CKAP4: variants seen among roughly 807,000 people sequenced by gnomAD.
CKAP4 encodes cytoskeleton associated protein 4.
A neutral mutation model predicts 24.4 loss-of-function variants in CKAP4; 20 were observed. That is an observed-to-expected ratio of 0.82 (90% CI 0.58 to 1.19). The LOEUF (loss-of-function observed/expected upper bound fraction) is 1.19. CKAP4 is among the 50% of genes most tolerant of loss of function. The pLI is 0.00. For synonymous variants in CKAP4, 378 were observed against 351.7 expected, an observed-to-expected ratio of 1.07 and a Z score of -0.84; for missense variants, 744 against 765.3, an observed-to-expected ratio of 0.97 and a Z score of 0.33.
chr12:106,246,481 G>A (rs2034010748), intron 1 of CKAP4, among the ~76,000 whole-genome samples: 1 of 152,152 alleles, frequency 6.6e-6, no homozygotes, highest in Admixed American at 6.5e-5. Flanking sequence ...AGTGGCTCAC[G>A]CCTGTAATCC....
chr12:106,241,741 C>T (rs1187896966), intron 1 of CKAP4, among the ~76,000 whole-genome samples: 2 of 152,092 alleles, frequency 1.3e-5, no homozygotes, highest in Admixed American at 1.3e-4. Context: ...AGCCCTGGAC[C>T]CACTTCTGCC....
intron 1 of CKAP4, among the ~76,000 whole-genome samples, chr12:106,244,925 G>A (rs182165158): frequency 6.6e-6 from 1 of 152,308 alleles, no homozygotes; most frequent in East Asian, 1.9e-4. Flanking sequence ...AAAGAAGAAA[G>A]TGATCTATAT....
At position 106,247,203 on chromosome 12, in the gene CKAP4, G is replaced by A. The variant is rs1148422; in HGVS notation, c.483+166C>T. Among the ~76,000 whole-genome samples the A allele has an allele frequency of 0.66, 100,521 of 151,992 alleles. 34,117 individuals are homozygous for A. The highest frequency in any genetic ancestry group is 0.82 in the African/African-American group (34,109 of 41,514). On this transcript the variant is annotated intron_variant, in intron 1 of 1. Coordinates refer to ENST00000378026, the MANE Select transcript of CKAP4 (RefSeq NM_006825.4). The surrounding 1 kb of genome is among the most constrained non-coding windows in gnomAD (Gnocchi z 4.5). ...GACTGCCTCGGAACTAGGGGGCCGC[G>A]TGGAGTGGGATGTCTAGGCCAGGGC...
chr12:106,239,947 T>A lies in CKAP4; in HGVS notation c.886A>T (p.Ile296Leu). The change falls in exon 2 of 2, where the codon ATA (isoleucine) becomes TTA (leucine). Residue 296 changes from isoleucine (I) to leucine (L), a missense_variant. Coordinates refer to ENST00000378026, the MANE Select transcript of CKAP4 (RefSeq NM_006825.4). The surrounding 1 kb of genome is among the most constrained non-coding windows in gnomAD (Gnocchi z 4.9). ...TCTCTGGACTTGGCTGAGGTCTGTATCTCCTTCACAGCTTCCTTTAAGGCT... is the reference window on the plus strand; with the variant it reads ...TCTCTGGACTTGGCTGAGGTCTGTAACTCCTTCACAGCTTCCTTTAAGGCT... Reference protein sequence around the residue: ...LKALKEAVKEIQTSAKSREWD... With the variant: ...LKALKEAVKELQTSAKSREWD... The A allele has an allele frequency of 6.2e-7, 1 of 1,614,146 alleles. No homozygotes were observed. Among genetic ancestry groups the A allele is most frequent in the Non-Finnish European group, 8.5e-7 (1 of 1,180,028 alleles).
In CKAP4 at chr12:106,247,464, C is replaced by T; in HGVS notation, c.388G>A (p.Val130Ile). ...AAFSGWCVHH[V>I]LEEVQQVRRS... ...CGGACCTGCTGGACCTCCTCCAGGA[C>T]GTGGTGGACGCACCAGCCCGAGAAA... The change falls in exon 1 of 2, where the codon GTC becomes ATC. Residue 130 changes from valine (V) to isoleucine (I), a missense_variant. Transcript: ENST00000378026. This position sits in a 1 kb window ranked among gnomAD's most constrained non-coding sequence, Gnocchi z 4.5. 3 of 1,545,736 alleles carry T rather than the reference C, an allele frequency of 1.9e-6. No individual in the cohort carries two copies. The highest frequency in any genetic ancestry group is 1.2e-5 in the South Asian group (1 of 84,286).
At position 106,239,844 on chromosome 12, in the gene CKAP4, C is replaced by A; in HGVS notation, c.989G>T (p.Ser330Ile). 1 of 1,614,104 alleles carries A rather than the reference C, an allele frequency of 6.2e-7. No individual in the cohort carries two copies. Among genetic ancestry groups the A allele is most frequent in the Non-Finnish European group, 8.5e-7 (1 of 1,180,012 alleles). ...GAAAGCCTGCTGCTCCTGCTTGAGG[C>A]TCACCAGCTCGCGGACCTCGGTGTA... Reference protein sequence around the residue: ...DIYTEVRELVSLKQEQQAFKE... With the variant: ...DIYTEVRELVILKQEQQAFKE... The change falls in exon 2 of 2, where the codon AGC becomes ATC. Residue 330 changes from serine to isoleucine, a missense_variant. This residue lies in a region of CKAP4 where 401 missense variants were observed against 424.5 expected (regional missense o/e 0.94). Transcript: ENST00000378026. This position sits in a 1 kb window ranked among gnomAD's most constrained non-coding sequence, Gnocchi z 4.9.
rs780660438 is a variant in CKAP4, at chr12:106,247,463, A to G, written c.389T>C (p.Val130Ala). The change falls in exon 1 of 2, where the codon GTC (valine) becomes GCC (alanine). Residue 130 changes from valine to alanine, a missense_variant. Around this residue, in one of 3 missense-constraint regions of CKAP4, gnomAD observed 300 missense variants for 264.5 expected, o/e 1.13. Coordinates refer to ENST00000378026, the MANE Select transcript of CKAP4 (RefSeq NM_006825.4). The surrounding 1 kb of genome is among the most constrained non-coding windows in gnomAD (Gnocchi z 4.5). ...AAFSGWCVHH[V>A]LEEVQQVRRS... ...CCGGACCTGCTGGACCTCCTCCAGG[A>G]CGTGGTGGACGCACCAGCCCGAGAA... 6.5e-7 allele frequency: 1 copy of G among 1,546,304 alleles called. No homozygotes were observed. The highest frequency in any genetic ancestry group is 8.7e-7 in the Non-Finnish European group (1 of 1,148,088).
Position 106,240,342 on chromosome 12 carries a change from G to A in CKAP4, c.491C>T (p.Ser164Phe). The A allele has an allele frequency of 1.2e-6, 2 of 1,608,940 alleles. No homozygotes were observed. Among genetic ancestry groups the A allele is most frequent in the Non-Finnish European group, 1.7e-6 (2 of 1,176,414 alleles). ...AAAAGTTCCAAATGTGGCTTGCAAA[G>A]ACTGCACCTGTAATCAAAATCCAGA... ...GLQGVEQKVQSLQATFGTFES... is the reference protein window; with the variant it reads ...GLQGVEQKVQFLQATFGTFES... Residue 164 changes from serine to phenylalanine, a missense_variant, in exon 2 of 2, where the codon TCT becomes TTT. Physicochemically the swap from Ser to Phe is radical, Grantham distance 155. This residue lies in a region of CKAP4 where 300 missense variants were observed against 264.5 expected (regional missense o/e 1.13). Coordinates refer to ENST00000378026, the MANE Select transcript of CKAP4 (RefSeq NM_006825.4).
At position 106,239,607 on chromosome 12, in the gene CKAP4, A is replaced by C; in HGVS notation, c.1226T>G (p.Leu409Arg). The change falls in exon 2 of 2, where the codon CTG becomes CGG. Residue 409 changes from leucine to arginine, a missense_variant. This residue lies in a region of CKAP4 where 401 missense variants were observed against 424.5 expected (regional missense o/e 0.94). Transcript: ENST00000378026. The surrounding 1 kb of genome is among the most constrained non-coding windows in gnomAD (Gnocchi z 4.9). ...FEALQQKSQG[L>R]DSRLQHVEDG... is the part of the protein sequence containing the mutation. ...CTCCACGTGCTGGAGCCTGGAGTCC[A>C]GTCCCTGACTCTTTTGCTGGAGTGC... 6.2e-7 allele frequency: 1 copy of C among 1,614,192 alleles called. No homozygotes were observed. Among genetic ancestry groups the C allele is most frequent in the South Asian group, 1.1e-5 (1 of 91,082 alleles).
rs113200745 is a variant in CKAP4 at position 106,240,298 on chromosome 12, A to G, written c.535T>C (p.Ser179Pro). The G allele has an allele frequency of 1.2e-6, 2 of 1,613,976 alleles. No homozygotes were observed. Reference protein sequence around the residue: ...FGTFESILRSSQHKQDLTEKA... With the variant: ...FGTFESILRSPQHKQDLTEKA... Reference sequence around the variant, plus strand: ...TCTGTGAGGTCTTGTTTATGTTGGGAGCTTCTCAAGATGGACTCAAAAGTT... The same window carrying G: ...TCTGTGAGGTCTTGTTTATGTTGGGGGCTTCTCAAGATGGACTCAAAAGTT... The change falls in exon 2 of 2, where the codon TCC becomes CCC. Residue 179 changes from serine to proline, a missense_variant. Ser to Pro is a moderately conservative substitution (Grantham distance 74). Around this residue, in one of 3 missense-constraint regions of CKAP4, gnomAD observed 300 missense variants for 264.5 expected, o/e 1.13. Transcript: ENST00000378026.
At position 106,238,739 on chromosome 12, in the gene CKAP4, T is replaced by C. The variant is rs1239427869; in HGVS notation, c.*285A>G. The C allele has an allele frequency of 3.0e-6, 1 of 332,394 alleles. No individual in the cohort carries two copies. The highest frequency in any genetic ancestry group is 4.4e-5 in the Admixed American group (1 of 22,854). The allele number at this position is 332,394 out of a possible 1,614,324, so 20.6% of individuals were successfully genotyped here. On this transcript the variant is annotated 3_prime_UTR_variant, in exon 2 of 2. Transcript: ENST00000378026. ...AATCTGCTTCTGTTAATCCTCAATT[T>C]AAGCCTTTATCATTTTTCTCTGACT...
At chr12:106,242,938 G>A (rs1388842759) in intron 1 of CKAP4, among the ~76,000 whole-genome samples, 2 of 152,238 alleles carry the variant, frequency 1.3e-5, no homozygotes, top group Non-Finnish European at 2.9e-5. Flanking sequence ...AGAACATGGT[G>A]TTCCCCTACT....
Position 106,239,542 on chromosome 12 carries a change from T to A in CKAP4, c.1291A>T (p.Thr431Ser), listed in dbSNP as rs1179369425. 8.7e-6 allele frequency: 14 copies of A among 1,611,100 alleles called. No individual in the cohort carries two copies. Among genetic ancestry groups the A allele is most frequent in the Non-Finnish European group, 1.2e-5 (14 of 1,179,102 alleles). ...LSMQVASARQ[T>S]ESLESLLSKS... ...GACAGGAGGGACTCCAGGCTCTCGG[T>A]CTGGCGCGCAGAAGCCACCTGCATG... The change falls in exon 2 of 2, where the codon ACC becomes TCC. Residue 431 changes from threonine (T) to serine (S), a missense_variant. Transcript: ENST00000378026. This position sits in a 1 kb window ranked among gnomAD's most constrained non-coding sequence, Gnocchi z 4.9.
chr12:106,239,720 C>T lies in CKAP4; in HGVS notation c.1113G>A (p.Arg371=). ...ESVSRLPEEI[R]RLEEELRQLK... is the part of the protein sequence containing the mutation. ...GCTGGCGGAGCTCTTCCTCCAGTCTCCGGATCTCCTCCGGGAGGCGGGAGA... is the reference window on the plus strand; with the variant it reads ...GCTGGCGGAGCTCTTCCTCCAGTCTTCGGATCTCCTCCGGGAGGCGGGAGA... The change falls in exon 2 of 2, where the codon CGG becomes CGA. Residue 371 remains arginine (R), a synonymous_variant. Transcript: ENST00000378026. This position sits in a 1 kb window ranked among gnomAD's most constrained non-coding sequence, Gnocchi z 4.9. The T allele has an allele frequency of 1.2e-6, 2 of 1,614,120 alleles. No individual in the cohort carries two copies. Among genetic ancestry groups the T allele is most frequent in the Non-Finnish European group, 1.7e-6 (2 of 1,180,002 alleles).
rs541520325 is a variant in CKAP4, at chr12:106,238,567, G to C, written c.*457C>G. ...CCGGTTCAAAGTGGAAGACAAGTGA[G>C]AGATATCTCATAAAAATTTCGGCCA... is the stretch of plus-strand genomic sequence containing the variant. On this transcript the variant is annotated 3_prime_UTR_variant, in exon 2 of 2. Coordinates refer to ENST00000378026, the MANE Select transcript of CKAP4 (RefSeq NM_006825.4). 1.3e-5 allele frequency: 2 copies of C among 159,434 alleles called. No homozygotes were observed. The highest frequency in any genetic ancestry group is 4.9e-5 in the African/African-American group (2 of 41,126). 9.9% of individuals were successfully genotyped at this position (159,434 alleles called of 1,614,324 possible). A position where few individuals can be genotyped will look rare whatever the true frequency, so the allele number is the denominator to read the frequency against.
intron 1 of CKAP4, among the ~76,000 whole-genome samples, chr12:106,244,949 G>A (rs2033995644): frequency 6.6e-6 from 1 of 152,164 alleles, no homozygotes; most frequent in Admixed American, 6.5e-5. Context: ...TAGCTGTGAT[G>A]GAGAAGGGGT....
intron 1 of CKAP4, among the ~76,000 whole-genome samples, chr12:106,242,638 C>A (rs996863458): frequency 1.3e-5 from 2 of 152,236 alleles, no homozygotes; most frequent in East Asian, 1.9e-4. Flanking sequence ...TGTGAAGGTA[C>A]TGGAGAGAGC....
intron 1 of CKAP4, among the ~76,000 whole-genome samples, chr12:106,245,317 G>A (rs75045787): frequency 0.039 from 5,874 of 152,144 alleles, 359 homozygotes; most frequent in African/African-American, 0.13. Flanking sequence ...AGTGATTCGT[G>A]TCTTTTGCTC....
Position 106,247,106 on chromosome 12 carries a change from G to C in CKAP4, c.483+263C>G. 1 of 430,516 alleles carries C rather than the reference G, an allele frequency of 2.3e-6. No homozygotes were observed. The highest frequency in any genetic ancestry group is 3.4e-5 in the South Asian group (1 of 29,032). The allele number at this position is 430,516 out of a possible 1,614,324, so 26.7% of individuals were successfully genotyped here. A position where few individuals can be genotyped will look rare whatever the true frequency, so the allele number is the denominator to read the frequency against. The stretch of plus-strand genomic sequence containing the variant: ...GCCCTTGGCCCACCCTGCCAGGCGG[G>C]CCTGGGCATCCTCGCGGCGGCCCAT... On this transcript the variant is annotated intron_variant, in intron 1 of 1. Coordinates refer to ENST00000378026, the MANE Select transcript of CKAP4 (RefSeq NM_006825.4). This position sits in a 1 kb window ranked among gnomAD's most constrained non-coding sequence, Gnocchi z 4.5.
Sources: allele counts gnomAD v4.1 joint callset (sites outside exome capture counted in the v4.1 genomes callset), GRCh38; gene constraint gnomAD v4.1.1; regional missense constraint gnomAD v4.1.1; non-coding constraint Gnocchi (gnomAD v3.1); transcripts MANE v1.5; gene names NCBI Gene and HGNC (gene_info 2026-07-23, HGNC 2026-07-21).